EYA2: variants seen among roughly 807,000 people sequenced by gnomAD.
The protein encoded by EYA2 is protein phosphatase EYA2.
A neutral mutation model predicts 69.2 loss-of-function variants in EYA2; 31 were observed. That is an observed-to-expected ratio of 0.45 (90% CI 0.34 to 0.60). The LOEUF is 0.60. Among genes scored for constraint, EYA2 ranks in the 20% least tolerant of loss-of-function variants. The probability of loss-of-function intolerance (pLI) is 0.02; values close to 1 mark genes in which losing one functional copy is unlikely to be tolerated. For missense variants in EYA2, 622 were observed against 701.2 expected, an observed-to-expected ratio of 0.89 and a Z score of 1.28; for synonymous variants, 257 against 279.4, an observed-to-expected ratio of 0.92 and a Z score of 0.80.
intron 10 of EYA2, among the ~76,000 whole-genome samples, chr20:47,157,538 AAG>A (rs2033978628): frequency 6.6e-6 from 1 of 151,468 alleles, no homozygotes; most frequent in African/African-American, 2.4e-5. Flanking sequence ...CAAAGGGGAA[AAG>A]AGAGAGATCA....
At chr20:46,948,874 A>G (rs6063043) in intron 1 of EYA2, among the ~76,000 whole-genome samples, 47,860 of 152,102 alleles carry the variant, frequency 0.31, 9,394 homozygotes, top group Non-Finnish European at 0.44. Context: ...TGAAATCTAT[A>G]CTTGTGGAAA....
chr20:46,925,876 A>G (rs1162595133), intron 1 of EYA2, among the ~76,000 whole-genome samples: 2 of 152,164 alleles, frequency 1.3e-5, no homozygotes, highest in African/African-American at 4.8e-5. Flanking sequence ...TTGCAGCCTT[A>G]TTTGTAACAG....
chr20:47,115,770 G>A (rs1245802698), intron 9 of EYA2, among the ~76,000 whole-genome samples: 5 of 152,140 alleles, frequency 3.3e-5, no homozygotes, highest in South Asian at 2.1e-4. Flanking sequence ...ATCCTCACCC[G>A]GTGGAGAACC....
intron 15 of EYA2, among the ~76,000 whole-genome samples, chr20:47,184,127 GT>G (rs1170190584): frequency 2.0e-5 from 3 of 152,192 alleles, no homozygotes; most frequent in African/African-American, 7.2e-5. Flanking sequence ...TGCAGGCACT[GT>G]TCCCTCCACC....
intron 1 of EYA2, among the ~76,000 whole-genome samples, chr20:46,927,515 C>G (rs1346913375): frequency 6.7e-6 from 1 of 149,320 alleles, no homozygotes; most frequent in African/African-American, 2.5e-5. Context: ...GGAGGCCTCA[C>G]AATCATGGCA....
At chr20:47,136,838 A>G (rs534793682) in intron 9 of EYA2, among the ~76,000 whole-genome samples, 1 of 152,160 alleles carries the variant, frequency 6.6e-6, no homozygotes, top group Non-Finnish European at 1.5e-5. Flanking sequence ...GGGCAGTTCC[A>G]ACTCGAAACC....
At chr20:46,947,972 C>A (rs531687280) in intron 1 of EYA2, among the ~76,000 whole-genome samples, 1 of 151,912 alleles carries the variant, frequency 6.6e-6, no homozygotes, top group Non-Finnish European at 1.5e-5. Flanking sequence ...TTAAAACTAG[C>A]CTTGCATGGT....
intron 5 of EYA2, chr20:47,071,921 C>T (rs1341618891): frequency 1.9e-5 from 9 of 483,578 alleles, no homozygotes; most frequent in East Asian, 1.1e-4. Flanking sequence ...GCCATAGCCA[C>T]GGCCGCATCA....
intron 5 of EYA2, among the ~76,000 whole-genome samples, chr20:47,038,794 G>A (rs1255424714): frequency 1.3e-5 from 2 of 152,118 alleles, no homozygotes; most frequent in African/African-American, 4.8e-5. Flanking sequence ...GGCAGCCACC[G>A]AGGACTTCCT....
In EYA2 at chr20:47,026,433, AT is replaced by A. The variant is rs139254083; in HGVS notation, c.415+10146del. ...AAAGATTGACAGGTTCAACTACAGA[AT>A]TTTTTTTTTCTTTTTTGGCACGGCA... On this transcript the variant is annotated intron_variant, in intron 5 of 15. Transcript: ENST00000327619. Among the ~76,000 whole-genome samples the A allele has an allele frequency of 6.1e-4, 92 of 151,014 alleles. 1 individual carries two copies. Among genetic ancestry groups the A allele is most frequent in the African/African-American group, 1.4e-3 (58 of 41,212 alleles).
intron 5 of EYA2, among the ~76,000 whole-genome samples, chr20:47,055,967 C>T (rs1412541677): frequency 6.6e-6 from 1 of 152,184 alleles, no homozygotes; most frequent in Non-Finnish European, 1.5e-5. Flanking sequence ...CCTGCTGCCC[C>T]CGCCACCCCT....
rs75952596 is a variant in EYA2, at chr20:47,167,744, G to C, written c.979-1395G>C. Among the ~76,000 whole-genome samples, 333 of 152,016 alleles carry C rather than the reference G, an allele frequency of 2.2e-3. 1 individual carries two copies. The highest frequency in any genetic ancestry group is 7.8e-3 in the African/African-American group (325 of 41,420). On this transcript the variant is annotated intron_variant, in intron 10 of 15. Coordinates refer to ENST00000327619, the MANE Select transcript of EYA2 (RefSeq NM_005244.5). ...CAGGGACCCATGTGATTCCATTTAG[G>C]GCCCACCCCGACAGCCAAGGAAAAA...
At chr20:47,175,251 G>C (rs960297028) in intron 12 of EYA2, among the ~76,000 whole-genome samples, 1 of 152,204 alleles carries the variant, frequency 6.6e-6, no homozygotes, top group Non-Finnish European at 1.5e-5. Context: ...AGATCCCCAC[G>C]ATTCCAAGTG....
chr20:47,179,578 A>ATGGGTGG (rs1348729536), intron 12 of EYA2, among the ~76,000 whole-genome samples: 2 of 122,356 alleles, frequency 1.6e-5, no homozygotes, highest in African/African-American at 1.1e-4. Context: ...GGATGAATGG[A>ATGGGTGG]AGGGTGGATG....
intron 9 of EYA2, 26 bp downstream of exon 9, chr20:47,097,194 C>G (rs370324800): frequency 1.9e-6 from 3 of 1,560,508 alleles, no homozygotes; most frequent in African/African-American, 2.7e-5. Context: ...GTCTCTCTCT[C>G]TCTTTTTTTG....
At chr20:47,003,949 C>A (rs1982531675) in intron 3 of EYA2, among the ~76,000 whole-genome samples, 1 of 152,192 alleles carries the variant, frequency 6.6e-6, no homozygotes, top group South Asian at 2.1e-4. Flanking sequence ...TTGATAAGAG[C>A]ATCCATGAGA....
At chr20:47,065,478 A>C (rs1325700193) in intron 5 of EYA2, among the ~76,000 whole-genome samples, 1 of 152,080 alleles carries the variant, frequency 6.6e-6, no homozygotes, top group African/African-American at 2.4e-5. Context: ...GTAAAATTTC[A>C]TGGGAGGTGG....
rs529649219 is a variant in EYA2, at chr20:47,140,718, A to G, written c.889-2341A>G. Among the ~76,000 whole-genome samples, 16 of 152,280 alleles carry G rather than the reference A, an allele frequency of 1.1e-4. No individual in the cohort carries two copies. In the East Asian group the frequency reaches 3.1e-3, roughly 29 times the overall value. On this transcript the variant is annotated intron_variant, in intron 9 of 15. Coordinates refer to ENST00000327619, the MANE Select transcript of EYA2 (RefSeq NM_005244.5). ...ATGCCTCCATTTTCTCATCTATAAA[A>G]TGGGTGTTTTAGTCCATTTAGTGTT...
chr20:46,945,992 C>T (rs1978430585), intron 1 of EYA2, among the ~76,000 whole-genome samples: 1 of 152,182 alleles, frequency 6.6e-6, no homozygotes, highest in South Asian at 2.1e-4. Flanking sequence ...AGCACACTCG[C>T]AACCCAAGAG....
Sources: allele counts gnomAD v4.1 joint callset (sites outside exome capture counted in the v4.1 genomes callset), GRCh38; gene constraint gnomAD v4.1.1; transcripts MANE v1.5; gene names NCBI Gene and HGNC (gene_info 2026-07-23, HGNC 2026-07-21).